Variants in WAC observed in about 807,000 individuals in gnomAD.
WAC encodes the protein WW domain-containing adapter protein with coiled-coil.
Under a neutral mutation model 79.6 loss-of-function variants are expected in WAC, and 11 were observed. The observed-to-expected ratio is 0.14, with a 90% CI of 0.09 to 0.23. The LOEUF is 0.23. WAC is among the 10% of genes least tolerant of loss of function. The pLI is 1.00. For missense variants in WAC, 728 were observed against 773.5 expected (o/e 0.94, Z 0.70); for synonymous variants, 304 against 276.9 (o/e 1.10, Z -0.97).
At chr10:28,538,274 T>G in intron 3 of WAC, 1 of 319,782 alleles carries the variant, frequency 3.1e-6, no homozygotes, top group South Asian at 2.3e-5. Context: ...TATAAACTCC[T>G]TTGGATTTTT....
chr10:28,536,390 T>G (rs1836677610), intron 3 of WAC, among the ~76,000 whole-genome samples: 2 of 152,168 alleles, frequency 1.3e-5, no homozygotes, highest in Non-Finnish European at 1.5e-5. Context: ...GATTTCAGTT[T>G]GAGATCCTTA....
intron 7 of WAC, among the ~76,000 whole-genome samples, chr10:28,598,673 T>C (rs1840494445): frequency 6.6e-6 from 1 of 152,238 alleles, no homozygotes; most frequent in Non-Finnish European, 1.5e-5. Flanking sequence ...CGTGTGGTGT[T>C]AGAGGCAGCT....
intron 3 of WAC, among the ~76,000 whole-genome samples, chr10:28,542,856 CAA>C (rs1347138396): frequency 1.3e-5 from 2 of 152,170 alleles, no homozygotes; most frequent in Non-Finnish European, 2.9e-5. Flanking sequence ...TATTTGGAAA[CAA>C]ATGTTATAGC....
At chr10:28,609,544 T>C (rs967876373) in intron 8 of WAC, among the ~76,000 whole-genome samples, 17 of 152,206 alleles carry the variant, frequency 1.1e-4, no homozygotes, top group African/African-American at 3.9e-4. Flanking sequence ...AACCACGCAG[T>C]TCTCTTGTGT....
chr10:28,573,318 C>G (rs1286936886), intron 3 of WAC, among the ~76,000 whole-genome samples: 3 of 152,060 alleles, frequency 2.0e-5, no homozygotes, highest in Non-Finnish European at 4.4e-5. Flanking sequence ...AAGCCCAACT[C>G]CCCAATTACT....
intron 3 of WAC, among the ~76,000 whole-genome samples, chr10:28,548,902 T>G (rs552875946): frequency 6.5e-4 from 99 of 152,268 alleles, no homozygotes; most frequent in East Asian, 1.4e-3. Flanking sequence ...GGTTTGGTTT[T>G]GTTTTTGAGG....
chr10:28,611,965 T>G, intron 10 of WAC, 43 bp downstream of exon 10: 1 of 1,597,378 alleles, frequency 6.3e-7, no homozygotes. Flanking sequence ...AACTACTTAC[T>G]TTTGGAAAGT....
chr10:28,535,534 C>T, intron 2 of WAC, 28 bp from the exon 3 acceptor site: 2 of 1,525,876 alleles, frequency 1.3e-6, no homozygotes, highest in Non-Finnish European at 1.8e-6. Context: ...TTCTTTCTCT[C>T]TTTTTTTGGG....
intron 3 of WAC, among the ~76,000 whole-genome samples, chr10:28,567,001 T>C (rs1292073635): frequency 1.3e-5 from 2 of 151,978 alleles, no homozygotes; most frequent in East Asian, 3.9e-4. Context: ...GGCTTCATCT[T>C]TCATATTGGG....
Position 28,553,865 on chromosome 10 carries a change from C to G in WAC, c.274+18108C>G, listed in dbSNP as rs76716739. On this transcript the variant is annotated intron_variant, in intron 3 of 13. Transcript: ENST00000354911. ...CATTGTAATAGGTATCATAAGTAAT[C>G]TAGAGATTTTTTTTCTCTTTTGAGG... Among the ~76,000 whole-genome samples the G allele has an allele frequency of 6.3e-3, 952 of 152,148 alleles. 4 individuals carry two copies. Among genetic ancestry groups the G allele is most frequent in the Non-Finnish European group, 0.011 (739 of 67,980 alleles).
At chr10:28,557,570 T>C (rs1838063717) in intron 3 of WAC, among the ~76,000 whole-genome samples, 1 of 152,096 alleles carries the variant, frequency 6.6e-6, no homozygotes, top group Admixed American at 6.5e-5. Flanking sequence ...GGTGTGCCCC[T>C]ATGGTCTCAG....
chr10:28,535,582 G>C lies in WAC; in HGVS notation c.99G>C (p.Lys33Asn). 1 of 1,610,920 alleles carries C rather than the reference G, an allele frequency of 6.2e-7. No individual in the cohort carries two copies. Among genetic ancestry groups the C allele is most frequent in the African/African-American group, 1.3e-5 (1 of 74,866 alleles). Residue 33 changes from lysine to asparagine, a missense_variant, in exon 3 of 14, where the codon AAG (lysine) becomes AAC (asparagine). This residue lies in a region of WAC where 648 missense variants were observed against 661.5 expected (regional missense o/e 0.98). Coordinates refer to ENST00000354911, the MANE Select transcript of WAC (RefSeq NM_016628.5). ...TACAGGCACTTAAGTATTCATCGAAGAGTCACCCCAGTAGCGGTGATCACA... is the reference window on the plus strand; with the variant it reads ...TACAGGCACTTAAGTATTCATCGAACAGTCACCCCAGTAGCGGTGATCACA... ...QPYQALKYSSKSHPSSGDHRH... is the reference protein window; with the variant it reads ...QPYQALKYSSNSHPSSGDHRH...
chr10:28,602,698 A>G (rs1349839395), intron 7 of WAC, among the ~76,000 whole-genome samples: 1 of 152,216 alleles, frequency 6.6e-6, no homozygotes, highest in African/African-American at 2.4e-5. Flanking sequence ...TAGGTAAGAA[A>G]TAAAGTTTGA....
chr10:28,551,634 G>A (rs1056115417), intron 3 of WAC, among the ~76,000 whole-genome samples: 3 of 152,102 alleles, frequency 2.0e-5, no homozygotes, highest in African/African-American at 7.2e-5. Context: ...TCACTGAATT[G>A]TTTTTAATGG....
At position 28,621,540 on chromosome 10, in the gene WAC, A is replaced by C. The variant is rs1404155817; in HGVS notation, c.*1934A>C. ...TTTAAGGATACTTTTTAAATGTAAG[A>C]AAAGACATGTCATTAATTTATTGTC... On this transcript the variant is annotated 3_prime_UTR_variant, in exon 14 of 14. Coordinates refer to ENST00000354911, the MANE Select transcript of WAC (RefSeq NM_016628.5). The C allele has an allele frequency of 1.3e-5, 2 of 152,162 alleles. No homozygotes were observed. The highest frequency in any genetic ancestry group is 4.8e-5 in the African/African-American group (2 of 41,386). The allele number at this position is 152,162 out of a possible 1,614,324, so 9.4% of individuals were successfully genotyped here. A position where few individuals can be genotyped will look rare whatever the true frequency, so the allele number is the denominator to read the frequency against.
intron 4 of WAC, among the ~76,000 whole-genome samples, chr10:28,585,498 G>A (rs921314160): frequency 6.6e-6 from 1 of 151,874 alleles, no homozygotes; most frequent in Non-Finnish European, 1.5e-5. Context: ...GCCTTCACGC[G>A]TGCTATCGTC....
intron 3 of WAC, among the ~76,000 whole-genome samples, chr10:28,536,431 G>C (rs1165507574): frequency 6.6e-6 from 1 of 152,042 alleles, no homozygotes; most frequent in Non-Finnish European, 1.5e-5. Context: ...TTTTTAAGGT[G>C]TTCAAATCTG....
chr10:28,619,621 G>C lies in WAC; in HGVS notation c.*15G>C. The C allele has an allele frequency of 6.4e-7, 1 of 1,562,970 alleles. No homozygotes were observed. Among genetic ancestry groups the C allele is most frequent in the Non-Finnish European group, 8.6e-7 (1 of 1,163,828 alleles). On this transcript the variant is annotated 3_prime_UTR_variant, in exon 14 of 14. Coordinates refer to ENST00000354911, the MANE Select transcript of WAC (RefSeq NM_016628.5). ...TCATGGTGTGAAGATGTGAATAATTGCACATGGTTTTGAGAACAGGAACTG... is the reference window on the plus strand; with the variant it reads ...TCATGGTGTGAAGATGTGAATAATTCCACATGGTTTTGAGAACAGGAACTG...
In WAC at chr10:28,533,985, TC is replaced by T; in HGVS notation, c.42-11del. On this transcript the variant is annotated splice_polypyrimidine_tract_variant and intron_variant, in intron 1 of 13. Coordinates refer to ENST00000354911, the MANE Select transcript of WAC (RefSeq NM_016628.5). Reference sequence around the variant, plus strand: ...CGTGTCTTATGTCGCTGCCTTCTCTTCCTGTTTTTCAGCTGTCACGACCGGA... The same window carrying T: ...CGTGTCTTATGTCGCTGCCTTCTCTTCTGTTTTTCAGCTGTCACGACCGGA... The T allele has an allele frequency of 6.2e-7, 1 of 1,606,024 alleles. No individual in the cohort carries two copies. The highest frequency in any genetic ancestry group is 8.5e-7 in the Non-Finnish European group (1 of 1,176,462).
Sources: allele counts gnomAD v4.1 joint callset (sites outside exome capture counted in the v4.1 genomes callset), GRCh38; gene constraint gnomAD v4.1.1; regional missense constraint gnomAD v4.1.1; transcripts MANE v1.5; gene names NCBI Gene and HGNC (gene_info 2026-07-23, HGNC 2026-07-21).